Variants in NOVA1 observed in about 807,000 individuals in gnomAD.
NOVA1 encodes RNA-binding protein Nova-1.
Under a neutral mutation model 38.0 loss-of-function variants are expected in NOVA1, and 7 were observed. That is an observed-to-expected ratio of 0.18 (90% CI 0.10 to 0.35). The LOEUF (loss-of-function observed/expected upper bound fraction) is 0.35. Ranked by LOEUF, NOVA1 falls within the 10% of genes least tolerant of loss-of-function variation. NOVA1 has a pLI of 1.00. For synonymous variants in NOVA1, 270 were observed against 232.5 expected, an observed-to-expected ratio of 1.16 and a Z score of -1.47; for missense variants, 460 against 616.0, an observed-to-expected ratio of 0.75 and a Z score of 2.68.
chr14:26,489,004 T>G (rs8014053), intron 2 of NOVA1, among the ~76,000 whole-genome samples: 44,134 of 151,812 alleles, frequency 0.29, 6,978 homozygotes, highest in African/African-American at 0.41. Flanking sequence ...TGACCAGTGG[T>G]GGAATGCATA....
intron 4 of NOVA1, among the ~76,000 whole-genome samples, chr14:26,457,592 C>T (rs1292411544): frequency 6.6e-6 from 1 of 152,078 alleles, no homozygotes; most frequent in Admixed American, 6.6e-5. Flanking sequence ...AAGTATTGCA[C>T]ATACAATTGT....
chr14:26,542,511 T>C (rs1010648745), intron 2 of NOVA1, among the ~76,000 whole-genome samples: 1 of 151,888 alleles, frequency 6.6e-6, no homozygotes, highest in Non-Finnish European at 1.5e-5. Flanking sequence ...TGAGACAACT[T>C]ATTTAGGGTA....
chr14:26,537,809 A>C (rs1015082905), intron 2 of NOVA1, among the ~76,000 whole-genome samples: 1 of 152,172 alleles, frequency 6.6e-6, no homozygotes, highest in African/African-American at 2.4e-5. Flanking sequence ...GAACAAAGAA[A>C]ACAAAACAGA....
chr14:26,470,360 T>C (rs959399855), intron 4 of NOVA1: 1 of 1,490,410 alleles, frequency 6.7e-7, no homozygotes, highest in Non-Finnish European at 9.2e-7. Flanking sequence ...GAAAATACTG[T>C]TGGGGAGAAA....
chr14:26,447,719 C>T lies in NOVA1; in HGVS notation c.*240G>A, dbSNP rs1882192986. ...AGGCTTAAATCTTACACTAGAAACACCTCTGACAAATATACACAAGCAAAG... is the reference window on the plus strand; with the variant it reads ...AGGCTTAAATCTTACACTAGAAACATCTCTGACAAATATACACAAGCAAAG... On this transcript the variant is annotated 3_prime_UTR_variant, in exon 5 of 5. Transcript: ENST00000539517. The T allele has an allele frequency of 3.8e-6, 2 of 528,966 alleles. No individual in the cohort carries two copies. Among genetic ancestry groups the T allele is most frequent in the East Asian group, 6.3e-5 (2 of 31,894 alleles). The allele number at this position is 528,966 out of a possible 1,614,324, so 32.8% of individuals were successfully genotyped here. A position where few individuals can be genotyped will look rare whatever the true frequency, so the allele number is the denominator to read the frequency against.
At chr14:26,531,596 A>C (rs1446319761) in intron 2 of NOVA1, among the ~76,000 whole-genome samples, 1 of 139,848 alleles carries the variant, frequency 7.2e-6, no homozygotes, top group African/African-American at 2.4e-5. Flanking sequence ...AACAACAGCG[A>C]AACTCCGTCT....
At chr14:26,452,517 C>A (rs1882787072) in intron 4 of NOVA1, among the ~76,000 whole-genome samples, 1 of 152,126 alleles carries the variant, frequency 6.6e-6, no homozygotes, top group South Asian at 2.1e-4. Context: ...TTTACCAAAG[C>A]AAATGTCTGT....
In NOVA1 at chr14:26,448,566, C is replaced by G; in HGVS notation, c.917G>C (p.Gly306Ala). 1 of 1,614,138 alleles carries G rather than the reference C, an allele frequency of 6.2e-7. No individual in the cohort carries two copies. Among genetic ancestry groups the G allele is most frequent in the Non-Finnish European group, 8.5e-7 (1 of 1,180,026 alleles). The change falls in exon 5 of 5, where the codon GGC (glycine) becomes GCC (alanine). Residue 306 changes from glycine to alanine, a missense_variant. Transcript: ENST00000539517. The surrounding 1 kb of genome is among the most constrained non-coding windows in gnomAD (Gnocchi z 5.3). ...GGCCACCAGGTCATTGCCTGTGAAG[C>G]CAGATAAAACTGCTGGAAAGGCTGC... ...GVAAFPAVLS[G>A]FTGNDLVAIT...
Position 26,565,066 on chromosome 14 carries a change from A to G in NOVA1, c.280+30344T>C, listed in dbSNP as rs561878365. Among the ~76,000 whole-genome samples the G allele has an allele frequency of 6.6e-5, 10 of 152,226 alleles. No individual in the cohort carries two copies. The East Asian group carries it at 9.7e-4, about 15-fold the overall frequency. ...TAGAGAGTACAAGATAAAACTTAAG[A>G]GCTATTGAAGTCAACAGGAGTCCTG... On this transcript the variant is annotated intron_variant, in intron 2 of 4. Coordinates refer to ENST00000539517, the MANE Select transcript of NOVA1 (RefSeq NM_002515.3).
At chr14:26,572,766 A>C (rs28494773) in intron 2 of NOVA1, among the ~76,000 whole-genome samples, 2 of 68,872 alleles carry the variant, frequency 2.9e-5, no homozygotes, top group Non-Finnish European at 7.1e-5. Context: ...GTGTGTGTGT[A>C]TGTGTGTCTG....
intron 2 of NOVA1, among the ~76,000 whole-genome samples, chr14:26,497,319 A>C (rs112087312): frequency 0.021 from 3,137 of 152,284 alleles, 99 homozygotes; most frequent in African/African-American, 0.072. Flanking sequence ...ATGGAAGAAC[A>C]TTCCATGCTC....
intron 4 of NOVA1, among the ~76,000 whole-genome samples, chr14:26,454,232 C>T (rs528780718): frequency 1.3e-5 from 2 of 152,096 alleles, no homozygotes; most frequent in South Asian, 4.2e-4. Flanking sequence ...TCAAAGCCAT[C>T]CTGGGGCACA....
intron 4 of NOVA1, among the ~76,000 whole-genome samples, chr14:26,450,382 TAC>T (rs149590260): frequency 3.7e-4 from 55 of 149,858 alleles, no homozygotes; most frequent in South Asian, 1.3e-3. Flanking sequence ...ACACATATAA[TAC>T]ACACACACAC....
intron 4 of NOVA1, chr14:26,470,364 G>A: frequency 1.3e-6 from 2 of 1,495,324 alleles, no homozygotes; most frequent in Non-Finnish European, 1.8e-6. Context: ...ATACTGTTGG[G>A]GAGAAAATAA....
At chr14:26,588,300 A>C (rs1284794002) in intron 2 of NOVA1, 2 of 151,446 alleles carry the variant, frequency 1.3e-5, no homozygotes, top group Non-Finnish European at 3.0e-5. Flanking sequence ...TCTTGAAATA[A>C]AAAAGAAAAA....
intron 2 of NOVA1, among the ~76,000 whole-genome samples, chr14:26,496,239 G>C (rs1317968308): frequency 1.3e-5 from 2 of 152,180 alleles, no homozygotes; most frequent in Admixed American, 6.5e-5. Context: ...GCATTTCTCT[G>C]ACGACCAGTG....
At chr14:26,587,914 T>C (rs1893627284) in intron 2 of NOVA1, among the ~76,000 whole-genome samples, 1 of 151,270 alleles carries the variant, frequency 6.6e-6, no homozygotes, top group Non-Finnish European at 1.5e-5. Flanking sequence ...GTGTATTTTC[T>C]ACAGCAGCAA....
At chr14:26,497,150 T>C (rs1397416080) in intron 2 of NOVA1, among the ~76,000 whole-genome samples, 2 of 152,010 alleles carry the variant, frequency 1.3e-5, no homozygotes, top group Admixed American at 6.6e-5. Flanking sequence ...TATACACCAA[T>C]AACAGACAAA....
At chr14:26,470,235 C>T (rs2138245578) in intron 4 of NOVA1, 1 of 1,135,270 alleles carries the variant, frequency 8.8e-7, no homozygotes, top group Non-Finnish European at 1.2e-6. Context: ...TGGTTATATA[C>T]TTCCAGATAT....
Sources: gnomAD v4.1 joint callset for allele counts (sites outside exome capture counted in the v4.1 genomes callset) on GRCh38, gnomAD v4.1.1 for gene constraint, Gnocchi (gnomAD v3.1) non-coding constraint, MANE v1.5 for transcripts, NCBI Gene and HGNC (gene_info 2026-07-23, HGNC 2026-07-21) for gene names.